THSD7B: variants seen among roughly 807,000 people sequenced by gnomAD.
THSD7B encodes the protein thrombospondin type-1 domain-containing protein 7B.
Under a neutral mutation model 213.6 loss-of-function variants are expected in THSD7B, and 138 were observed. The ratio of observed to expected loss-of-function variants is 0.65; its 90% CI spans 0.56 to 0.74. The LOEUF (loss-of-function observed/expected upper bound fraction) is 0.74. Among genes scored for constraint, THSD7B ranks in the 30% least tolerant of loss-of-function variants. The pLI, the probability that THSD7B is intolerant of heterozygous loss-of-function variation, is 0.00. For synonymous variants in THSD7B, 742 were observed against 687.0 expected (o/e 1.08, Z -1.25); for missense variants, 1,931 against 1,991.5 (o/e 0.97, Z 0.58).
At chr2:137,182,997 A>G (rs1377805532) in intron 7 of THSD7B, among the ~76,000 whole-genome samples, 1 of 152,128 alleles carries the variant, frequency 6.6e-6, no homozygotes, top group Non-Finnish European at 1.5e-5. Context: ...TATCATTATT[A>G]TAATTATCTT....
intron 5 of THSD7B, among the ~76,000 whole-genome samples, chr2:137,137,520 T>TA (rs1344068701): frequency 5.9e-5 from 9 of 152,210 alleles, no homozygotes; most frequent in African/African-American, 1.9e-4. Context: ...CATGAGTACT[T>TA]ACTATTGTTT....
At chr2:137,019,232 G>A (rs919450119) in intron 2 of THSD7B, among the ~76,000 whole-genome samples, 3 of 152,074 alleles carry the variant, frequency 2.0e-5, no homozygotes, top group Non-Finnish European at 4.4e-5. Flanking sequence ...CTGCTAAGGA[G>A]TTACTGTATT....
intron 17 of THSD7B, among the ~76,000 whole-genome samples, chr2:137,574,593 C>T (rs1337282452): frequency 1.3e-5 from 2 of 152,076 alleles, no homozygotes; most frequent in African/African-American, 4.8e-5. Context: ...TTGTCCATGG[C>T]CACTCAGGTC....
chr2:137,608,386 T>C (rs1308882748), intron 17 of THSD7B, among the ~76,000 whole-genome samples: 1 of 152,030 alleles, frequency 6.6e-6, no homozygotes, highest in Non-Finnish European at 1.5e-5. Context: ...TAACCAGTTA[T>C]CTTCAACTCA....
At chr2:137,095,938 G>A (rs1688031911) in intron 4 of THSD7B, among the ~76,000 whole-genome samples, 1 of 152,112 alleles carries the variant, frequency 6.6e-6, no homozygotes, top group Non-Finnish European at 1.5e-5. Flanking sequence ...CTGGGCTTAA[G>A]CGATACTCCC....
At chr2:137,599,125 T>C (rs954547439) in intron 17 of THSD7B, among the ~76,000 whole-genome samples, 14 of 148,472 alleles carry the variant, frequency 9.4e-5, no homozygotes, top group East Asian at 8.1e-4. Flanking sequence ...TGAGTGAGAA[T>C]ATACGGTGTT....
In THSD7B at chr2:137,148,097, G is replaced by A. The variant is rs113852781; in HGVS notation, c.1370-12116G>A. 6.2e-3 allele frequency among the ~76,000 whole-genome samples: 951 copies of A among 152,214 alleles called. 13 individuals carry two copies. Among genetic ancestry groups the A allele is most frequent in the African/African-American group, 0.02 (828 of 41,546 alleles). On this transcript the variant is annotated intron_variant, in intron 5 of 27. Coordinates refer to ENST00000409968, the MANE Select transcript of THSD7B (RefSeq NM_001316349.2). The stretch of plus-strand genomic sequence containing the variant: ...GGGAAGGACCTGGTAGCAGGTAATT[G>A]AACCATGAGGGTGGTTACCTCCATG...
chr2:137,265,255 C>A (rs1352052388), intron 10 of THSD7B, among the ~76,000 whole-genome samples: 1 of 152,076 alleles, frequency 6.6e-6, no homozygotes, highest in East Asian at 1.9e-4. Flanking sequence ...AAATCAAAAC[C>A]ACAATGAGAT....
chr2:137,409,377 T>G (rs1226951551), intron 13 of THSD7B, among the ~76,000 whole-genome samples: 1 of 152,186 alleles, frequency 6.6e-6, no homozygotes, highest in Non-Finnish European at 1.5e-5. Context: ...CCTTTGTCAT[T>G]AATCAGATAT....
chr2:137,417,325 G>A (rs907369395), intron 14 of THSD7B, among the ~76,000 whole-genome samples: 7 of 152,146 alleles, frequency 4.6e-5, no homozygotes, highest in Admixed American at 1.3e-4. Context: ...TATTTTGGTT[G>A]AGCTGGGAGA....
intron 2 of THSD7B, among the ~76,000 whole-genome samples, chr2:137,007,451 G>A (rs1686138836): frequency 6.6e-6 from 1 of 152,124 alleles, no homozygotes; most frequent in Non-Finnish European, 1.5e-5. Flanking sequence ...GAGAAATAAA[G>A]GCAGAAGCTG....
chr2:137,615,370 T>A (rs1294162288), intron 17 of THSD7B, among the ~76,000 whole-genome samples: 1 of 152,156 alleles, frequency 6.6e-6, no homozygotes, highest in African/African-American at 2.4e-5. Context: ...GAGGCTTGAT[T>A]AGTGTTCTGA....
intron 7 of THSD7B, among the ~76,000 whole-genome samples, chr2:137,192,106 T>C (rs1005294976): frequency 1.3e-5 from 2 of 152,168 alleles, no homozygotes; most frequent in Non-Finnish European, 2.9e-5. Context: ...ACAGTGTTAC[T>C]GGGATTGGAG....
chr2:136,915,240 AC>A (rs1230303953), intron 2 of THSD7B, among the ~76,000 whole-genome samples: 2 of 152,204 alleles, frequency 1.3e-5, no homozygotes, highest in African/African-American at 2.4e-5. Context: ...TAAGGGACTT[AC>A]AAAAAATCCT....
intron 15 of THSD7B, among the ~76,000 whole-genome samples, chr2:137,478,440 A>G (rs557269980): frequency 5.2e-4 from 79 of 152,136 alleles, no homozygotes; most frequent in African/African-American, 1.8e-3. Flanking sequence ...TGTTGTTGTT[A>G]TCCACCTCTG....
At chr2:137,356,364 C>T (rs1685129174) in intron 12 of THSD7B, among the ~76,000 whole-genome samples, 1 of 152,248 alleles carries the variant, frequency 6.6e-6, no homozygotes, top group African/African-American at 2.4e-5. Flanking sequence ...CTCAAATTCT[C>T]AAACACCAAG....
intron 2 of THSD7B, among the ~76,000 whole-genome samples, chr2:136,994,729 G>A (rs1183932517): frequency 1.3e-5 from 2 of 152,168 alleles, no homozygotes; most frequent in Non-Finnish European, 2.9e-5. Flanking sequence ...TGTACAACAA[G>A]TGTAAACAAC....
chr2:137,538,499 G>C, intron 15 of THSD7B: 1 of 517,718 alleles, frequency 1.9e-6, no homozygotes, highest in Non-Finnish European at 3.9e-6. Context: ...GCTCAGGTTG[G>C]TGTTGCAATC....
chr2:137,029,078 C>T (rs1191012958), intron 2 of THSD7B, among the ~76,000 whole-genome samples: 7 of 121,004 alleles, frequency 5.8e-5, no homozygotes, highest in Admixed American at 9.5e-5. Context: ...TCTTTGTAAG[C>T]TTTTTTTTTT....
Sources: allele counts gnomAD v4.1 joint callset (sites outside exome capture counted in the v4.1 genomes callset), GRCh38; gene constraint gnomAD v4.1.1; transcripts MANE v1.5; gene names NCBI Gene and HGNC (gene_info 2026-07-23, HGNC 2026-07-21).